The following CC2D1A variants were observed in gnomAD, a reference collection of about 807,000 sequenced individuals.
CC2D1A encodes the protein coiled-coil and C2 domain containing 1A, also known as coiled-coil and C2 domain-containing protein 1A.
Under a neutral mutation model 123.8 loss-of-function variants are expected in CC2D1A, and 68 were observed. The observed-to-expected ratio is 0.55, with a 90% CI of 0.45 to 0.67. The LOEUF is 0.67. CC2D1A is among the 30% of genes least tolerant of loss of function. The pLI, the probability that CC2D1A is intolerant of heterozygous loss-of-function variation, is 0.00. For synonymous variants in CC2D1A, 477 were observed against 528.0 expected (o/e 0.90, Z 1.32); for missense variants, 1,185 against 1,290.3 (o/e 0.92, Z 1.25).
chr19:13,926,459 G>A, intron 17 of CC2D1A, 58 bp from the exon 18 acceptor site: 2 of 1,531,998 alleles, frequency 1.3e-6, no homozygotes, highest in Non-Finnish European at 1.8e-6. Flanking sequence ...GGCGGGCAGT[G>A]GGACTGAGGT....
chr19:13,912,202 A>G, intron 2 of CC2D1A, 121 bp from the exon 3 acceptor site: 1 of 1,158,792 alleles, frequency 8.6e-7, no homozygotes. Context: ...CTGAGGCTGA[A>G]TAAGGAAGAG....
Position 13,927,072 on chromosome 19 carries a change from C to G in CC2D1A, c.2220C>G (p.His740Gln). ...QTKGIKFEVV[H>Q]KGGLFKTDRV... ...AGGGCATCAAGTTCGAAGTGGTTCA[C>G]AAGGGGTGAGCTAGAGAGAGCCATG... Residue 740 changes from histidine to glutamine, a missense_variant, in exon 21 of 29, where the codon CAC (histidine) becomes CAG (glutamine). His to Gln is a conservative substitution (Grantham distance 24, BLOSUM62 0). Coordinates refer to ENST00000318003, the MANE Select transcript of CC2D1A (RefSeq NM_017721.5). 1 of 1,613,994 alleles carries G rather than the reference C, an allele frequency of 6.2e-7. No individual in the cohort carries two copies. Among genetic ancestry groups the G allele is most frequent in the Non-Finnish European group, 8.5e-7 (1 of 1,179,928 alleles).
Position 13,909,807 on chromosome 19 carries a change from C to G in CC2D1A, c.61-16C>G. ...GGTGAACCAAAGGTCTGACTGAACC[C>G]TTGCTGTTCCCCTAGCTGGGCCTGC... On this transcript the variant is annotated splice_polypyrimidine_tract_variant and intron_variant, in intron 1 of 28. Transcript: ENST00000318003. The G allele has an allele frequency of 6.3e-7, 1 of 1,596,370 alleles. No individual in the cohort carries two copies. The highest frequency in any genetic ancestry group is 8.6e-7 in the Non-Finnish European group (1 of 1,167,398).
At chr19:13,913,118 G>A in intron 4 of CC2D1A, 50 bp from the exon 5 acceptor site, 6 of 1,519,560 alleles carry the variant, frequency 3.9e-6, no homozygotes, top group Non-Finnish European at 5.3e-6. Context: ...GGCTAACAGG[G>A]GCATCCCAAG....
rs957131538 is a variant in CC2D1A, at chr19:13,930,124, T to C, written c.2757T>C (p.Ala919=). The C allele has an allele frequency of 1.2e-6, 2 of 1,612,346 alleles. No homozygotes were observed. The highest frequency in any genetic ancestry group is 1.7e-6 in the Non-Finnish European group (2 of 1,179,494). ...LERQLQFYTE[A]ARRLGNDGSR... is the part of the protein sequence containing the mutation. ...GGCAGCTGCAGTTCTACACGGAGGC[T>C]GCCCGGCGCCTGGGCAACGATGGCA... The change falls in exon 27 of 29, where the codon GCT becomes GCC. Residue 919 remains alanine, a synonymous_variant. Coordinates refer to ENST00000318003, the MANE Select transcript of CC2D1A (RefSeq NM_017721.5). This position sits in a 1 kb window ranked among gnomAD's most constrained non-coding sequence, Gnocchi z 6.8.
At chr19:13,919,982 C>A (rs750801352) in intron 12 of CC2D1A, 31 bp downstream of exon 12, 15 of 1,593,030 alleles carry the variant, frequency 9.4e-6, no homozygotes, top group African/African-American at 1.3e-5. Context: ...CGCAGTGGCT[C>A]ACACCTGTAG....
At position 13,923,707 on chromosome 19, in the gene CC2D1A, G is replaced by A. The variant is rs1429033772; in HGVS notation, c.1836G>A (p.Leu612=). 2.5e-6 allele frequency: 4 copies of A among 1,614,202 alleles called. No homozygotes were observed. The Middle Eastern group carries it at 4.9e-4, about 200-fold the overall frequency. Residue 612 remains leucine (L), a synonymous_variant, in exon 17 of 29, where the codon TTG becomes TTA. Coordinates refer to ENST00000318003, the MANE Select transcript of CC2D1A (RefSeq NM_017721.5). This position sits in a 1 kb window ranked among gnomAD's most constrained non-coding sequence, Gnocchi z 5.3. ...CTCCCACCGGCAGGTTTGAAAAGTT[G>A]GCGGAGGACTGTAAGCGGAGCATGG... ...NITETTKFEK[L]AEDCKRSMDI...
Position 13,929,359 on chromosome 19 carries a change from A to G in CC2D1A, c.2520-20A>G. 1.9e-6 allele frequency: 3 copies of G among 1,612,892 alleles called. No individual in the cohort carries two copies. The highest frequency in any genetic ancestry group is 2.5e-6 in the Non-Finnish European group (3 of 1,179,508). On this transcript the variant is annotated intron_variant, in intron 24 of 28. Transcript: ENST00000318003. ...GCTGGGGGAATCTCTGCAGTCCCTT[A>G]TCCTTCCTCCACCCCTTAGATCAGC... is the stretch of plus-strand genomic sequence containing the variant.
intron 12 of CC2D1A, 184 bp downstream of exon 12, chr19:13,920,135 C>T: frequency 1.8e-6 from 1 of 567,862 alleles, no homozygotes; most frequent in Non-Finnish European, 3.1e-6. Flanking sequence ...CCTGTAGTCC[C>T]TGCTACTTGG....
At chr19:13,910,278 G>A (rs1970953893) in intron 2 of CC2D1A, among the ~76,000 whole-genome samples, 1 of 151,458 alleles carries the variant, frequency 6.6e-6, no homozygotes, top group African/African-American at 2.4e-5. Flanking sequence ...CGTGGTGGCG[G>A]GCGCCTGTAG....
chr19:13,919,343 A>C, intron 11 of CC2D1A, 141 bp downstream of exon 11: 1 of 644,820 alleles, frequency 1.6e-6, no homozygotes, highest in Non-Finnish European at 2.7e-6. Context: ...ATTACTCCCC[A>C]TAGCACAGGC....
In CC2D1A at chr19:13,923,117, C is replaced by T. The variant is rs1359483250; in HGVS notation, c.1642-216C>T. Among the ~76,000 whole-genome samples, 5 of 151,552 alleles carry T rather than the reference C, an allele frequency of 3.3e-5. No individual in the cohort carries two copies. In the East Asian group the frequency reaches 7.8e-4, roughly 24 times the overall value. The stretch of plus-strand genomic sequence containing the variant: ...CTGAGGCAGGAGAATCACTTGAACC[C>T]GGGAGGTGGAAGTTGCAGTGAGCTG... On this transcript the variant is annotated intron_variant, in intron 14 of 28. Transcript: ENST00000318003. This position sits in a 1 kb window ranked among gnomAD's most constrained non-coding sequence, Gnocchi z 5.3.
Position 13,906,512 on chromosome 19 carries a change from GC to G in CC2D1A, c.60+15del. ...GCGGCCGCCCGCCAGGTGAGTTTGC[GC>G]CCCACGGCCCGACCTGGGGATCCCT... On this transcript the variant is annotated intron_variant, in intron 1 of 28. Transcript: ENST00000318003. This position sits in a 1 kb window ranked among gnomAD's most constrained non-coding sequence, Gnocchi z 4.1. 1 of 1,473,392 alleles carries G rather than the reference GC, an allele frequency of 6.8e-7. No individual in the cohort carries two copies. The allele number at this position is 1,473,392 out of a possible 1,614,324, so 91.3% of individuals were successfully genotyped here.
At chr19:13,918,020 G>T (rs1971268424) in intron 6 of CC2D1A, 50 bp from the exon 7 acceptor site, 1 of 1,593,588 alleles carries the variant, frequency 6.3e-7, no homozygotes, top group South Asian at 1.1e-5. Context: ...TTTACACGGT[G>T]AACTTGGCCC....
chr19:13,925,967 TATATATGTGTATATATATATAC>T (rs1170083021), intron 17 of CC2D1A, among the ~76,000 whole-genome samples: 4 of 131,724 alleles, frequency 3.0e-5, no homozygotes, highest in Non-Finnish European at 6.2e-5. Flanking sequence ...TATACACGTA[TATATATGTGTATATATATATAC>T]ATATATGTGT....
At position 13,913,654 on chromosome 19, in the gene CC2D1A, G is replaced by A. The variant is rs1486455555; in HGVS notation, c.748+16G>A. ...ATGCCCCCAGGTAGGTGATGGGCAGGGCCGGGCTGATATGGGATCCGAGTG... is the reference window on the plus strand; with the variant it reads ...ATGCCCCCAGGTAGGTGATGGGCAGAGCCGGGCTGATATGGGATCCGAGTG... On this transcript the variant is annotated intron_variant, in intron 6 of 28. Coordinates refer to ENST00000318003, the MANE Select transcript of CC2D1A (RefSeq NM_017721.5). 2 of 1,571,948 alleles carry A rather than the reference G, an allele frequency of 1.3e-6. No individual in the cohort carries two copies. Among genetic ancestry groups the A allele is most frequent in the East Asian group, 2.3e-5 (1 of 44,264 alleles).
rs758893574 is a variant in CC2D1A at position 13,923,760 on chromosome 19, G to A, written c.1889G>A (p.Gly630Asp). The A allele has an allele frequency of 5.6e-6, 9 of 1,614,020 alleles. No homozygotes were observed. In the African/African-American group the frequency reaches 1.1e-4, roughly 19 times the overall value. ...ATTCTGAAGCAAGCCTTCGTCCGGG[G>A]TCTCCCCACGCCCACCGCCCGCTTT... is the stretch of plus-strand genomic sequence containing the variant. ...MDILKQAFVRGLPTPTARFEQ... is the reference protein window; with the variant it reads ...MDILKQAFVRDLPTPTARFEQ... Residue 630 changes from glycine (G) to aspartate (D), a missense_variant, in exon 17 of 29, where the codon GGT becomes GAT. By Grantham distance (94) the Gly-to-Asp change is moderately conservative. Transcript: ENST00000318003. This position sits in a 1 kb window ranked among gnomAD's most constrained non-coding sequence, Gnocchi z 5.3.
intron 11 of CC2D1A, among the ~76,000 whole-genome samples, chr19:13,919,506 G>C (rs568234565): frequency 1.3e-5 from 2 of 152,202 alleles, no homozygotes; most frequent in Admixed American, 6.5e-5. Context: ...GGGAGGCTGA[G>C]GTGGGAAAAT....
Position 13,918,638 on chromosome 19 carries a change from A to C in CC2D1A, c.946+62A>C, listed in dbSNP as rs1971292358. On this transcript the variant is annotated intron_variant, in intron 8 of 28. Transcript: ENST00000318003. The stretch of plus-strand genomic sequence containing the variant: ...TCAGGCATACACTAAGTTCTCCTTG[A>C]TGCTGCCACCCCTGTTGGTCAGGCC... The C allele has an allele frequency of 8.2e-6, 13 of 1,589,264 alleles. No individual in the cohort carries two copies. The South Asian group carries it at 1.3e-4, about 16-fold the overall frequency.
Sources: allele counts gnomAD v4.1 joint callset (sites outside exome capture counted in the v4.1 genomes callset), GRCh38; gene constraint gnomAD v4.1.1; non-coding constraint Gnocchi (gnomAD v3.1); transcripts MANE v1.5; gene names NCBI Gene and HGNC (gene_info 2026-07-23, HGNC 2026-07-21).